The following ARSJ variants were observed in gnomAD, a reference collection of about 807,000 sequenced individuals.
ARSJ encodes arylsulfatase J.
In ARSJ, 26 loss-of-function variants were observed where a neutral mutation model predicts 35.9. The observed-to-expected ratio is 0.72, with a 90% CI of 0.53 to 1.00. The LOEUF is 1.00. ARSJ is among the 50% of genes least tolerant of loss of function. The pLI, the probability that ARSJ is intolerant of heterozygous loss-of-function variation, is 0.00. For synonymous variants in ARSJ, 294 were observed against 267.6 expected (o/e 1.10, Z -0.96); for missense variants, 667 against 723.6 (o/e 0.92, Z 0.90).
At chr4:113,917,096 G>T (rs1723356572) in intron 1 of ARSJ, among the ~76,000 whole-genome samples, 1 of 152,000 alleles carries the variant, frequency 6.6e-6, no homozygotes, top group African/African-American at 2.4e-5. Flanking sequence ...CTATTAACCT[G>T]GGAAAGCATA....
At chr4:113,926,233 T>C (rs555187580) in intron 1 of ARSJ, among the ~76,000 whole-genome samples, 2 of 152,280 alleles carry the variant, frequency 1.3e-5, no homozygotes, top group East Asian at 3.9e-4. Context: ...TTTCTAATCG[T>C]GCTTCTTCGA....
At chr4:113,957,267 A>G (rs1255478692) in intron 1 of ARSJ, among the ~76,000 whole-genome samples, 2 of 152,170 alleles carry the variant, frequency 1.3e-5, no homozygotes, top group East Asian at 3.9e-4. Context: ...CTCTCCAAAA[A>G]GTATTTCCAC....
intron 1 of ARSJ, among the ~76,000 whole-genome samples, chr4:113,911,943 T>C (rs538328918): frequency 1.3e-5 from 2 of 152,290 alleles, no homozygotes; most frequent in South Asian, 2.1e-4. Context: ...ATATATACAA[T>C]AAAATGTATT....
chr4:113,945,450 C>T (rs936065825), intron 1 of ARSJ, among the ~76,000 whole-genome samples: 36 of 152,130 alleles, frequency 2.4e-4, no homozygotes, highest in Admixed American at 2.2e-3. Flanking sequence ...TTTGTGGTGT[C>T]TCTTCAAATG....
intron 1 of ARSJ, among the ~76,000 whole-genome samples, chr4:113,937,644 C>T (rs880002925): frequency 2.6e-5 from 4 of 151,984 alleles, no homozygotes; most frequent in Non-Finnish European, 5.9e-5. Flanking sequence ...AAAACCCCAT[C>T]GTCTCAGCCT....
intron 1 of ARSJ, among the ~76,000 whole-genome samples, chr4:113,912,762 TGTGC>T (rs1178243268): frequency 2.0e-5 from 3 of 149,260 alleles, no homozygotes; most frequent in African/African-American, 5.0e-5. Context: ...TGTGTGTGTG[TGTGC>T]ATAAAGAGAG....
rs1161034699 is a variant in ARSJ, at chr4:113,901,356, CTGAA to C, written c.*914_*917del. On this transcript the variant is annotated 3_prime_UTR_variant, in exon 2 of 2. Coordinates refer to ENST00000315366, the MANE Select transcript of ARSJ (RefSeq NM_024590.4). ...TGAACAATGACGATTATAAAGTTTT[CTGAA>C]TGATGTTTTTTATAGTCTGAATTCA... 1 of 152,092 alleles carries C rather than the reference CTGAA, an allele frequency of 6.6e-6. No individual in the cohort carries two copies. Among genetic ancestry groups the C allele is most frequent in the Non-Finnish European group, 1.5e-5 (1 of 68,014 alleles). 9.4% of individuals were successfully genotyped at this position (152,092 alleles called of 1,614,324 possible).
chr4:113,914,609 T>C (rs11930168), intron 1 of ARSJ, among the ~76,000 whole-genome samples: 4,772 of 152,306 alleles, frequency 0.031, 257 homozygotes, highest in African/African-American at 0.11. Context: ...AAGTATTTCA[T>C]GTCAAATTCA....
At chr4:113,967,158 T>A (rs1247556643) in intron 1 of ARSJ, among the ~76,000 whole-genome samples, 1 of 152,130 alleles carries the variant, frequency 6.6e-6, no homozygotes, top group Non-Finnish European at 1.5e-5. Flanking sequence ...ATTTTCAACA[T>A]CTCTTTGAGC....
At chr4:113,944,264 G>A (rs769943104) in intron 1 of ARSJ, 12 of 152,044 alleles carry the variant, frequency 7.9e-5, no homozygotes, top group Non-Finnish European at 1.5e-4. Flanking sequence ...GAAGATGAAT[G>A]TACAAGAGGC....
chr4:113,902,792 TG>T lies in ARSJ; in HGVS notation c.1281del (p.Lys428ArgfsTer89). The T allele has an allele frequency of 1.2e-6, 2 of 1,614,134 alleles. No individual in the cohort carries two copies. The highest frequency in any genetic ancestry group is 1.7e-6 in the Non-Finnish European group (2 of 1,180,016). Reference protein sequence around the residue: ...DILHNIDPIYTKAKNGSWAAG... With the variant: ...DILHNIDPIYXKAKNGSWAAG... ...GCTGCCCAGGAGCCATTTTTTGCCT[TG>T]GTGTATATGGGGTCAATGTTATGCA... is the stretch of plus-strand genomic sequence containing the variant. On this transcript the variant is annotated frameshift_variant, in exon 2 of 2. Transcript: ENST00000315366. LOFTEE classifies it high-confidence loss of function.
At chr4:113,960,576 A>G (rs1325244856) in intron 1 of ARSJ, among the ~76,000 whole-genome samples, 1 of 152,108 alleles carries the variant, frequency 6.6e-6, no homozygotes, top group African/African-American at 2.4e-5. Flanking sequence ...GTAGAAAAAA[A>G]AGAATCAAAG....
chr4:113,962,185 A>G (rs1288030322), intron 1 of ARSJ, among the ~76,000 whole-genome samples: 2 of 152,032 alleles, frequency 1.3e-5, no homozygotes, highest in African/African-American at 4.8e-5. Flanking sequence ...GAGGCCAGAC[A>G]AGCATGCTTG....
chr4:113,944,347 T>C (rs1725344510), intron 1 of ARSJ: 1 of 151,868 alleles, frequency 6.6e-6, no homozygotes, highest in Non-Finnish European at 1.5e-5. Flanking sequence ...AATGAATAGC[T>C]CTCTTAAAAG....
Position 113,901,914 on chromosome 4 carries a change from C to T in ARSJ, c.*360G>A. On this transcript the variant is annotated 3_prime_UTR_variant, in exon 2 of 2. Transcript: ENST00000315366. ...GGATGGTATACCCTGTAACTTCCAT[C>T]AAATTAGCATGCTTGCGGATGGTAG... The T allele has an allele frequency of 7.0e-6, 1 of 143,554 alleles. No individual in the cohort carries two copies. Among genetic ancestry groups the T allele is most frequent in the South Asian group, 5.8e-5 (1 of 17,332 alleles). The allele number at this position is 143,554 out of a possible 1,614,324, so 8.9% of individuals were successfully genotyped here.
chr4:113,902,987 G>C lies in ARSJ; in HGVS notation c.1087C>G (p.Leu363Val). Residue 363 changes from leucine (L) to valine (V), a missense_variant, in exon 2 of 2, where the codon CTT (leucine) becomes GTT (valine). Physicochemically the swap from Leu to Val is conservative, Grantham distance 32. Transcript: ENST00000315366. Reference sequence around the variant, plus strand: ...CACACTGTTCCCTTGTTTTTCAGAAGTGGGCTATGCACAAAGCCTACAGCC... The same window carrying C: ...CACACTGTTCCCTTGTTTTTCAGAACTGGGCTATGCACAAAGCCTACAGCC... Reference protein sequence around the residue: ...IRAVGFVHSPLLKNKGTVCKE... With the variant: ...IRAVGFVHSPVLKNKGTVCKE... The C allele has an allele frequency of 6.2e-7, 1 of 1,614,134 alleles. No individual in the cohort carries two copies. Among genetic ancestry groups the C allele is most frequent in the South Asian group, 1.1e-5 (1 of 91,082 alleles).
chr4:113,940,282 A>C (rs1293569530), intron 1 of ARSJ, among the ~76,000 whole-genome samples: 1 of 152,186 alleles, frequency 6.6e-6, no homozygotes, highest in East Asian at 1.9e-4. Flanking sequence ...AATGTGGTAC[A>C]TATACAACAT....
At chr4:113,936,665 A>G (rs1356511602) in intron 1 of ARSJ, among the ~76,000 whole-genome samples, 2 of 151,956 alleles carry the variant, frequency 1.3e-5, no homozygotes, top group Non-Finnish European at 2.9e-5. Flanking sequence ...TCCCTGTCAA[A>G]TCAGAATCAG....
intron 1 of ARSJ, among the ~76,000 whole-genome samples, chr4:113,908,239 A>T (rs2149250088): frequency 6.6e-6 from 1 of 152,336 alleles, no homozygotes; most frequent in East Asian, 1.9e-4. Context: ...ATGGAATAAC[A>T]ATGCTTCCTG....
Sources: gnomAD v4.1 joint callset for allele counts (sites outside exome capture counted in the v4.1 genomes callset) on GRCh38, gnomAD v4.1.1 for gene constraint, MANE v1.5 for transcripts, NCBI Gene and HGNC (gene_info 2026-07-23, HGNC 2026-07-21) for gene names.